Variants in PSMD1 observed in about 807,000 individuals in gnomAD.
PSMD1 encodes 26S proteasome non-ATPase regulatory subunit 1.
PSMD1 carries 18 observed loss-of-function variants against 119.0 expected under a neutral mutation model. That is an observed-to-expected ratio of 0.15 (90% CI 0.10 to 0.22). The LOEUF (loss-of-function observed/expected upper bound fraction) is 0.22. PSMD1 is among the 10% of genes least tolerant of loss of function. The pLI, the probability that PSMD1 is intolerant of heterozygous loss-of-function variation, is 1.00. For synonymous variants in PSMD1, 374 were observed against 396.6 expected (o/e 0.94, Z 0.68); for missense variants, 702 against 1,158.5 (o/e 0.61, Z 5.72).
At chr2:231,110,379 T>C (rs1353798409) in intron 16 of PSMD1, among the ~76,000 whole-genome samples, 1 of 152,242 alleles carries the variant, frequency 6.6e-6, no homozygotes, top group Non-Finnish European at 1.5e-5. Flanking sequence ...TTTTCTGATC[T>C]TTAAATACCA....
chr2:231,148,532 G>A (rs969549685), intron 18 of PSMD1, among the ~76,000 whole-genome samples: 1 of 152,134 alleles, frequency 6.6e-6, no homozygotes, highest in East Asian at 1.9e-4. Context: ...AGGTTGTATC[G>A]GAATCTTAGA....
chr2:231,113,923 A>G (rs779062084), intron 16 of PSMD1: 6 of 1,613,830 alleles, frequency 3.7e-6, no homozygotes, highest in Non-Finnish European at 5.1e-6. Context: ...GAGGGGCCAC[A>G]TAGCCTCTGA....
intron 1 of PSMD1, among the ~76,000 whole-genome samples, chr2:231,057,863 G>C (rs1387686080): frequency 5.3e-5 from 8 of 152,236 alleles, no homozygotes; most frequent in Non-Finnish European, 7.3e-5. Context: ...GCTGTCCAGA[G>C]CCTTGGTGCT....
At chr2:231,061,817 G>T (rs927615483) in intron 2 of PSMD1, among the ~76,000 whole-genome samples, 1 of 152,082 alleles carries the variant, frequency 6.6e-6, no homozygotes, top group Non-Finnish European at 1.5e-5. Context: ...TGATCCCCCC[G>T]CCTTGACCTC....
intron 16 of PSMD1, among the ~76,000 whole-genome samples, chr2:231,106,712 C>T (rs1314426439): frequency 6.6e-6 from 1 of 151,984 alleles, no homozygotes; most frequent in East Asian, 1.9e-4. Context: ...TGTAGGTGTG[C>T]GTATATTTAA....
At chr2:231,074,431 G>C (rs770469205) in intron 7 of PSMD1, among the ~76,000 whole-genome samples, 1 of 152,030 alleles carries the variant, frequency 6.6e-6, no homozygotes, top group Non-Finnish European at 1.5e-5. Flanking sequence ...GATTTAACAA[G>C]TTTTCTTTCT....
intron 19 of PSMD1, among the ~76,000 whole-genome samples, chr2:231,160,900 C>T (rs1016982081): frequency 6.6e-6 from 1 of 152,190 alleles, no homozygotes; most frequent in African/African-American, 2.4e-5. Flanking sequence ...TGTTTCCCTA[C>T]TGCAGCACTT....
At chr2:231,133,000 G>A (rs1161475157) in intron 16 of PSMD1, among the ~76,000 whole-genome samples, 1 of 152,070 alleles carries the variant, frequency 6.6e-6, no homozygotes, top group Admixed American at 6.6e-5. Context: ...ACTTGGAGAG[G>A]GATGCCCTTT....
chr2:231,078,789 T>A (rs893116621), intron 10 of PSMD1, 42 bp downstream of exon 10: 2 of 1,197,008 alleles, frequency 1.7e-6, no homozygotes, highest in African/African-American at 1.6e-5. Flanking sequence ...CAAAATCTTT[T>A]TCTTTTTTTT....
At chr2:231,111,371 A>G (rs939341743) in intron 16 of PSMD1, among the ~76,000 whole-genome samples, 1 of 151,912 alleles carries the variant, frequency 6.6e-6, no homozygotes, top group African/African-American at 2.4e-5. Context: ...CATTCTATTA[A>G]CTCATTCTAT....
chr2:231,083,783 T>C lies in PSMD1; in HGVS notation c.1722+20T>C. ...GACAAGGTGAGATCACATACGTCCC[T>C]CACTGTCCATTTATCTCCAGCATGT... On this transcript the variant is annotated intron_variant, in intron 14 of 24. Coordinates refer to ENST00000308696, the MANE Select transcript of PSMD1 (RefSeq NM_002807.4). 1 of 1,611,204 alleles carries C rather than the reference T, an allele frequency of 6.2e-7. No homozygotes were observed. The highest frequency in any genetic ancestry group is 1.1e-5 in the South Asian group (1 of 90,896).
intron 23 of PSMD1, among the ~76,000 whole-genome samples, chr2:231,167,821 C>G (rs1696823057): frequency 6.6e-6 from 1 of 152,322 alleles, no homozygotes; most frequent in Non-Finnish European, 1.5e-5. Context: ...AATTTTAAAA[C>G]AGGCAAATGA....
intron 16 of PSMD1, among the ~76,000 whole-genome samples, chr2:231,115,758 A>G (rs1367994934): frequency 1.3e-5 from 2 of 152,148 alleles, no homozygotes; most frequent in Non-Finnish European, 2.9e-5. Flanking sequence ...ATGTTATCTG[A>G]AAGTGTTATT....
intron 16 of PSMD1, among the ~76,000 whole-genome samples, chr2:231,129,065 A>T (rs1422457385): frequency 2.0e-5 from 3 of 152,168 alleles, no homozygotes; most frequent in Non-Finnish European, 4.4e-5. Flanking sequence ...GATATGCTCA[A>T]CTCTGCATGT....
chr2:231,162,863 C>T (rs938413764), intron 20 of PSMD1, among the ~76,000 whole-genome samples: 5 of 150,102 alleles, frequency 3.3e-5, no homozygotes, highest in Non-Finnish European at 7.4e-5. Flanking sequence ...GAAAGGAAGC[C>T]GAGGCGGGTG....
chr2:231,146,009 T>G (rs1338923614), intron 17 of PSMD1, among the ~76,000 whole-genome samples: 2 of 152,118 alleles, frequency 1.3e-5, no homozygotes, highest in Non-Finnish European at 1.5e-5. Context: ...TTTTTAAACT[T>G]TTTTGTAAAA....
In PSMD1 at chr2:231,072,396, C is replaced by G. The variant is rs1694062850; in HGVS notation, c.862C>G (p.Pro288Ala). ...TGGATCCACTAATACGGGTACTGTT[C>G]CGGGATCAGAGAAAGACAGGTATAA... Reference protein sequence around the residue: ...VPGSTNTGTVPGSEKDSDSME... With the variant: ...VPGSTNTGTVAGSEKDSDSME... Residue 288 changes from proline to alanine, a missense_variant, in exon 7 of 25, where the codon CCG becomes GCG. Coordinates refer to ENST00000308696, the MANE Select transcript of PSMD1 (RefSeq NM_002807.4). 6.2e-7 allele frequency: 1 copy of G among 1,611,820 alleles called. No individual in the cohort carries two copies.
intron 9 of PSMD1, 68 bp downstream of exon 9, chr2:231,077,230 T>C (rs192393984): frequency 6.3e-6 from 7 of 1,103,814 alleles, no homozygotes; most frequent in Non-Finnish European, 8.6e-6. Flanking sequence ...TAAGTAATTA[T>C]ATTTATTTCT....
At chr2:231,158,910 A>T (rs1481493922) in intron 19 of PSMD1, among the ~76,000 whole-genome samples, 3 of 152,222 alleles carry the variant, frequency 2.0e-5, no homozygotes, top group Non-Finnish European at 4.4e-5. Flanking sequence ...TTTCTATTGG[A>T]AAAACAAGAT....
Sources: allele counts gnomAD v4.1 joint callset (sites outside exome capture counted in the v4.1 genomes callset), GRCh38; gene constraint gnomAD v4.1.1; transcripts MANE v1.5; gene names NCBI Gene and HGNC (gene_info 2026-07-23, HGNC 2026-07-21).